Variants in TSPAN7 observed in about 807,000 individuals in gnomAD.
TSPAN7 encodes tetraspanin-7.
Under a neutral mutation model 17.6 loss-of-function variants are expected in TSPAN7, and 1 was observed. That is an observed-to-expected ratio of 0.06 (90% CI 0.02 to 0.27). The LOEUF (loss-of-function observed/expected upper bound fraction) is 0.27. Ranked by LOEUF, TSPAN7 falls within the 10% of genes least tolerant of loss-of-function variation. The pLI, the probability that TSPAN7 is intolerant of heterozygous loss-of-function variation, is 1.00. For missense variants in TSPAN7, 112 were observed against 201.7 expected (o/e 0.56, Z 2.69); for synonymous variants, 78 against 79.0 (o/e 0.99, Z 0.07).
chrX:38,659,917 T>C (rs2069733204), intron 1 of TSPAN7, among the ~76,000 whole-genome samples: 1 of 103,142 alleles, frequency 9.7e-6, no homozygotes, highest in African/African-American at 3.6e-5. Flanking sequence ...ACCTCTGCCC[T>C]GTGGGTTCAA....
intron 1 of TSPAN7, among the ~76,000 whole-genome samples, chrX:38,661,296 T>A (rs1346872538): frequency 8.9e-6 from 1 of 112,678 alleles, no homozygotes; most frequent in African/African-American, 3.2e-5. Flanking sequence ...TATCTGTAAG[T>A]TTTCTTTGAG....
At chrX:38,682,976 G>A (rs766254275) in intron 6 of TSPAN7, among the ~76,000 whole-genome samples, 19 of 111,510 alleles carry the variant, frequency 1.7e-4, no homozygotes, top group Non-Finnish European at 3.4e-4. Flanking sequence ...TCAAAAGGGC[G>A]TCTTGTGTTT....
intron 1 of TSPAN7, chrX:38,608,255 C>T (rs1478556249): frequency 2.7e-5 from 3 of 109,879 alleles, no homozygotes; most frequent in South Asian, 3.9e-4. Context: ...GCAGGCTTTC[C>T]GGTTTTTACC....
chrX:38,682,694 C>T (rs1418084914), intron 6 of TSPAN7, among the ~76,000 whole-genome samples: 1 of 112,181 alleles, frequency 8.9e-6, no homozygotes, highest in Non-Finnish European at 1.9e-5. Context: ...AACCCTCAAC[C>T]CTCCAACACA....
chrX:38,672,148 G>A (rs1318386989), intron 3 of TSPAN7, among the ~76,000 whole-genome samples: 1 of 110,721 alleles, frequency 9.0e-6, no homozygotes, highest in Non-Finnish European at 1.9e-5. Flanking sequence ...TAATTGTCTT[G>A]CTGCCTCAAA....
chrX:38,568,107 A>G (rs2069152881), intron 1 of TSPAN7, among the ~76,000 whole-genome samples: 1 of 111,840 alleles, frequency 8.9e-6, no homozygotes, highest in Admixed American at 9.5e-5. Flanking sequence ...TTCATGTGTC[A>G]TATCAGATTC....
At chrX:38,612,499 A>G (rs1344453853) in intron 1 of TSPAN7, 2 of 111,701 alleles carry the variant, frequency 1.8e-5, no homozygotes, top group Non-Finnish European at 3.8e-5. Flanking sequence ...CTTGAGTCAC[A>G]TTGCACCAAT....
intron 1 of TSPAN7, among the ~76,000 whole-genome samples, chrX:38,589,583 A>C (rs779677443): frequency 3.6e-5 from 4 of 112,247 alleles, no homozygotes; most frequent in Non-Finnish European, 7.5e-5. Context: ...GTGAATCACA[A>C]CACACTCTTG....
chrX:38,569,330 T>C (rs191624689), intron 1 of TSPAN7, among the ~76,000 whole-genome samples: 1 of 110,885 alleles, frequency 9.0e-6, no homozygotes, highest in East Asian at 2.8e-4. Flanking sequence ...GAAGTCTCTA[T>C]ATACAGTATA....
At chrX:38,648,268 TATA>T (rs1393104418) in intron 1 of TSPAN7, among the ~76,000 whole-genome samples, 3 of 112,243 alleles carry the variant, frequency 2.7e-5, no homozygotes, top group Admixed American at 9.4e-5. Context: ...CTAATGATTA[TATA>T]ATAACATTTT....
chrX:38,675,917 T>G, intron 5 of TSPAN7, 57 bp downstream of exon 5: 1 of 1,129,477 alleles, frequency 8.9e-7, no homozygotes, highest in African/African-American at 1.8e-5. Context: ...GGGGGGCTTT[T>G]TTATTTCCAT....
In TSPAN7 at chrX:38,666,116, T is replaced by C; in HGVS notation, c.82-5T>C. ...TAGCTTCACACTCTCCTCTCCCTCT[T>C]TCAGATCACTGGGGTGATCCTGCTG... On this transcript the variant is annotated splice_region_variant and splice_polypyrimidine_tract_variant and intron_variant, in intron 1 of 7. Coordinates refer to ENST00000378482, the MANE Select transcript of TSPAN7 (RefSeq NM_004615.4). 8.3e-7 allele frequency: 1 copy of C among 1,210,573 alleles called. No individual in the cohort carries two copies. The highest frequency in any genetic ancestry group is 1.1e-6 in the Non-Finnish European group (1 of 894,824).
At chrX:38,665,074 T>G (rs1008161592) in intron 1 of TSPAN7, among the ~76,000 whole-genome samples, 2 of 111,930 alleles carry the variant, frequency 1.8e-5, no homozygotes, top group Non-Finnish European at 3.8e-5. Flanking sequence ...CTTGGCAAGG[T>G]GGGTATGGAT....
At chrX:38,627,124 A>T (rs1461184894) in intron 1 of TSPAN7, among the ~76,000 whole-genome samples, 1 of 112,320 alleles carries the variant, frequency 8.9e-6, no homozygotes, top group Non-Finnish European at 1.9e-5. Flanking sequence ...TTTCAAAGTC[A>T]CAAAATTATG....
intron 1 of TSPAN7, among the ~76,000 whole-genome samples, chrX:38,644,856 C>G (rs1245650164): frequency 1.8e-5 from 2 of 112,185 alleles, no homozygotes; most frequent in African/African-American, 6.5e-5. Context: ...CAGGCAGGTA[C>G]TCGATCATCA....
Position 38,670,904 on chromosome X carries a change from T to C in TSPAN7, c.271-472T>C, listed in dbSNP as rs758870820. Among the ~76,000 whole-genome samples the C allele has an allele frequency of 8.7e-4, 98 of 112,200 alleles. 1 individual carries two copies. Among genetic ancestry groups the C allele is most frequent in the Non-Finnish European group, 1.5e-3 (80 of 53,232 alleles). ...AAGGGAAAGGAAGTCTTTCCAACAA[T>C]TGGAACAGTTTCAAAATGGAATGGG... On this transcript the variant is annotated intron_variant, in intron 2 of 7. Transcript: ENST00000378482.
chrX:38,657,271 T>C (rs1258620147), intron 1 of TSPAN7, among the ~76,000 whole-genome samples: 3 of 111,991 alleles, frequency 2.7e-5, no homozygotes, highest in Non-Finnish European at 3.8e-5. Context: ...AGTAAAAGGC[T>C]CTCTTAACAA....
chrX:38,572,824 G>A (rs1264843580), intron 1 of TSPAN7, among the ~76,000 whole-genome samples: 1 of 111,790 alleles, frequency 8.9e-6, no homozygotes, highest in Admixed American at 9.5e-5. Flanking sequence ...TGAAGCTTTT[G>A]CGGACTTCTA....
At chrX:38,645,661 G>A (rs747099783) in intron 1 of TSPAN7, among the ~76,000 whole-genome samples, 64 of 111,760 alleles carry the variant, frequency 5.7e-4, no homozygotes, top group African/African-American at 1.9e-3. Flanking sequence ...GCAAAACAAC[G>A]CTTATTTTTC....
Sources: gnomAD v4.1 joint callset for allele counts (sites outside exome capture counted in the v4.1 genomes callset) on GRCh38, gnomAD v4.1.1 for gene constraint, MANE v1.5 for transcripts, NCBI Gene and HGNC (gene_info 2026-07-23, HGNC 2026-07-21) for gene names.